Variants in ASTN2 observed in about 807,000 individuals in gnomAD.
The protein encoded by ASTN2 is astrotactin 2, also known as astrotactin-2.
Under a neutral mutation model 139.8 loss-of-function variants are expected in ASTN2, and 54 were observed. The ratio of observed to expected loss-of-function variants is 0.39; its 90% CI spans 0.31 to 0.48. The LOEUF is 0.48. ASTN2 is among the 20% of genes least tolerant of loss of function. ASTN2 has a pLI of 0.95. For synonymous variants in ASTN2, 756 were observed against 719.5 expected (o/e 1.05, Z -0.81); for missense variants, 1,565 against 1,725.1 (o/e 0.91, Z 1.64).
In ASTN2 at chr9:116,467,749, G is replaced by A. The variant is rs181046408; in HGVS notation, c.3497+19610C>T. On this transcript the variant is annotated intron_variant, in intron 20 of 22. Transcript: ENST00000313400. ...TAAATATCCTTTATAAAGTTGTTGT[G>A]ATGATTAAACAAGATAATGTTTTTA... Among the ~76,000 whole-genome samples, 5 of 152,338 alleles carry A rather than the reference G, an allele frequency of 3.3e-5. No homozygotes were observed. The East Asian group carries it at 9.6e-4, about 29-fold the overall frequency.
intron 12 of ASTN2, among the ~76,000 whole-genome samples, chr9:116,818,040 C>G (rs775815944): frequency 1.1e-5 from 1 of 90,468 alleles, no homozygotes; most frequent in African/African-American, 4.2e-5. Context: ...TACTGAGCCA[C>G]TCTGTGCTTT....
intron 19 of ASTN2, among the ~76,000 whole-genome samples, chr9:116,615,105 C>T (rs1052202263): frequency 1.3e-5 from 2 of 152,220 alleles, no homozygotes; most frequent in East Asian, 3.9e-4. Flanking sequence ...ATTTATGCAG[C>T]CAACAGACAC....
chr9:117,210,498 T>C (rs1832085353), intron 3 of ASTN2, among the ~76,000 whole-genome samples: 1 of 151,930 alleles, frequency 6.6e-6, no homozygotes, highest in African/African-American at 2.4e-5. Context: ...CTCAACAAAA[T>C]TGAACCACAA....
chr9:116,902,859 C>T (rs1834050919), intron 10 of ASTN2, among the ~76,000 whole-genome samples: 1 of 151,992 alleles, frequency 6.6e-6, no homozygotes, highest in East Asian at 1.9e-4. Flanking sequence ...TGTTTTTTTA[C>T]TTCTTTACTT....
chr9:117,209,590 C>G (rs114882932), intron 3 of ASTN2, among the ~76,000 whole-genome samples: 2,062 of 152,052 alleles, frequency 0.014, 48 homozygotes, highest in African/African-American at 0.047. Context: ...GAGACAGACT[C>G]CAGTAAAATA....
At chr9:116,875,477 G>C (rs1036448925) in intron 10 of ASTN2, among the ~76,000 whole-genome samples, 1 of 152,208 alleles carries the variant, frequency 6.6e-6, no homozygotes, top group African/African-American at 2.4e-5. Flanking sequence ...TATCATAAAA[G>C]TGCAAGGAGA....
chr9:116,581,091 A>AGTTTC, intron 19 of ASTN2, among the ~76,000 whole-genome samples: 1 of 152,104 alleles, frequency 6.6e-6, no homozygotes, highest in Non-Finnish European at 1.5e-5. Flanking sequence ...TCTCAGAGTG[A>AGTTTC]GTTTCAAGTT....
intron 10 of ASTN2, among the ~76,000 whole-genome samples, chr9:116,876,308 C>T (rs931265387): frequency 1.2e-4 from 18 of 152,114 alleles, no homozygotes; most frequent in Admixed American, 2.0e-4. Context: ...GCTGCAATCT[C>T]ATGATAAAAC....
intron 5 of ASTN2, among the ~76,000 whole-genome samples, chr9:117,086,872 G>C (rs1304224657): frequency 6.6e-6 from 1 of 152,184 alleles, no homozygotes; most frequent in East Asian, 1.9e-4. Context: ...GGGAGTAGCA[G>C]GCTGATCTGC....
At chr9:116,885,099 A>C (rs1564322430) in intron 10 of ASTN2, among the ~76,000 whole-genome samples, 1 of 152,060 alleles carries the variant, frequency 6.6e-6, no homozygotes, top group African/African-American at 2.4e-5. Context: ...TAATGACCTT[A>C]TTTCCACCAG....
chr9:117,321,293 T>C (rs1828315265), intron 1 of ASTN2, among the ~76,000 whole-genome samples: 1 of 152,202 alleles, frequency 6.6e-6, no homozygotes, highest in Non-Finnish European at 1.5e-5. Flanking sequence ...TGAGAGCAGA[T>C]ACTCAACAAA....
chr9:116,920,220 C>T (rs895864104), intron 10 of ASTN2, among the ~76,000 whole-genome samples: 1 of 152,194 alleles, frequency 6.6e-6, no homozygotes, highest in African/African-American at 2.4e-5. Flanking sequence ...GGCTCTGTCT[C>T]AGAAGCAGCC....
chr9:116,862,873 T>G (rs1022707827), intron 11 of ASTN2, among the ~76,000 whole-genome samples: 3 of 150,932 alleles, frequency 2.0e-5, no homozygotes, highest in Non-Finnish European at 4.4e-5. Flanking sequence ...TCCCGGGACC[T>G]AATCTCCTCT....
chr9:116,534,542 G>A (rs1851522246), intron 19 of ASTN2, among the ~76,000 whole-genome samples: 1 of 152,216 alleles, frequency 6.6e-6, no homozygotes, highest in Admixed American at 6.5e-5. Context: ...ATGTGTCCCA[G>A]AGATTCTTGT....
intron 19 of ASTN2, chr9:116,611,185 T>C (rs1259666499): frequency 6.6e-6 from 1 of 152,016 alleles, no homozygotes; most frequent in Non-Finnish European, 1.5e-5. Flanking sequence ...AAATAACTCA[T>C]AAGTCAAAGA....
At chr9:116,797,027 C>T (rs1477173475) in intron 13 of ASTN2, among the ~76,000 whole-genome samples, 1 of 151,580 alleles carries the variant, frequency 6.6e-6, no homozygotes, top group Non-Finnish European at 1.5e-5. Flanking sequence ...CACTATAATC[C>T]TCAGACTAGT....
intron 14 of ASTN2, 30 bp downstream of exon 14, chr9:116,733,369 C>G (rs1462351695): frequency 6.3e-7 from 1 of 1,592,638 alleles, no homozygotes; most frequent in South Asian, 1.1e-5. Context: ...GGTCAGGGAA[C>G]CTGGGAAGGG....
chr9:117,038,968 A>G (rs1255764916), intron 6 of ASTN2, among the ~76,000 whole-genome samples: 1 of 152,228 alleles, frequency 6.6e-6, no homozygotes, highest in African/African-American at 2.4e-5. Flanking sequence ...GAATGAGCAT[A>G]TGAATATTAT....
chr9:116,578,184 G>A (rs1261271943), intron 19 of ASTN2, among the ~76,000 whole-genome samples: 2 of 152,152 alleles, frequency 1.3e-5, no homozygotes, highest in Non-Finnish European at 1.5e-5. Context: ...GATGAGGACA[G>A]GGGCTCAGGC....
Sources: gnomAD v4.1 joint callset for allele counts (sites outside exome capture counted in the v4.1 genomes callset) on GRCh38, gnomAD v4.1.1 for gene constraint, MANE v1.5 for transcripts, NCBI Gene and HGNC (gene_info 2026-07-23, HGNC 2026-07-21) for gene names.